Variants in ARID1B observed in about 807,000 individuals in gnomAD.
ARID1B encodes the protein AT-rich interactive domain-containing protein 1B.
ARID1B carries 30 observed loss-of-function variants against 212.3 expected under a neutral mutation model. The ratio of observed to expected loss-of-function variants is 0.14; its 90% CI spans 0.11 to 0.19. The LOEUF (loss-of-function observed/expected upper bound fraction) is 0.19, where lower values mean the gene tolerates loss of function less well. Among genes scored for constraint, ARID1B ranks in the 10% least tolerant of loss-of-function variants. The pLI is 1.00. For missense variants in ARID1B, 2,891 were observed against 3,204.0 expected (o/e 0.90, Z 2.36); for synonymous variants, 1,402 against 1,301.7 (o/e 1.08, Z -1.66).
intron 6 of ARID1B, among the ~76,000 whole-genome samples, chr6:157,128,532 T>A (rs1275452465): frequency 6.6e-6 from 1 of 152,142 alleles, no homozygotes. Flanking sequence ...AGAAAACAAA[T>A]GCAAGTCAGG....
intron 2 of ARID1B, among the ~76,000 whole-genome samples, chr6:156,891,742 C>T (rs978145057): frequency 2.4e-4 from 36 of 152,154 alleles, no homozygotes; most frequent in African/African-American, 8.7e-4. Context: ...TTTTTCCCCC[C>T]CTCAAACCAG....
chr6:156,948,715 AAAAT>A (rs1236494979), intron 4 of ARID1B, among the ~76,000 whole-genome samples: 1 of 152,268 alleles, frequency 6.6e-6, no homozygotes, highest in African/African-American at 2.4e-5. Flanking sequence ...GATGTAAAGA[AAAAT>A]AAATAAAAAA....
At chr6:157,127,854 CA>C (rs1480560465) in intron 6 of ARID1B, among the ~76,000 whole-genome samples, 27 of 145,796 alleles carry the variant, frequency 1.9e-4, no homozygotes, top group African/African-American at 6.7e-4. Context: ...CCCAGCTATT[CA>C]GGAGGCTGAG....
chr6:156,975,953 G>A (rs1777213580), intron 4 of ARID1B, among the ~76,000 whole-genome samples: 1 of 144,646 alleles, frequency 6.9e-6, no homozygotes, highest in Admixed American at 6.8e-5. Flanking sequence ...GGAGTTGGGA[G>A]CAGTTTTTTT....
chr6:156,779,738 CCT>C (rs1207247177), intron 1 of ARID1B: 305 of 159,090 alleles, frequency 1.9e-3, no homozygotes, highest in African/African-American at 6.9e-3. Flanking sequence ...GCGTCCCCCC[CCT>C]CCCCCAGGCC....
chr6:156,913,017 CT>C lies in ARID1B; in HGVS notation c.2136+11495del, dbSNP rs1325408984. 1.1e-4 allele frequency among the ~76,000 whole-genome samples: 14 copies of C among 130,102 alleles called. No individual in the cohort carries two copies. In the East Asian group the frequency reaches 2.4e-3, roughly 23 times the overall value. 85.4% of individuals were successfully genotyped at this position (130,102 alleles called of 152,430 possible). Reference sequence around the variant, plus strand: ...TTCTATTGAAATGGCTCTTTTCATACTTTCTTTTTTTTTTTTTTCACTTGCT... The same window carrying C: ...TTCTATTGAAATGGCTCTTTTCATACTTCTTTTTTTTTTTTTTCACTTGCT... On this transcript the variant is annotated intron_variant, in intron 3 of 19. Transcript: ENST00000636930.
At position 157,189,643 on chromosome 6, in the gene ARID1B, T is replaced by A. The variant is rs1338117749; in HGVS notation, c.3921T>A (p.Ala1307=). Residue 1307 remains alanine, a splice_region_variant and synonymous_variant, in exon 14 of 20, where the codon GCT becomes GCA. Coordinates refer to ENST00000636930, the MANE Select transcript of ARID1B (RefSeq NM_001374828.1). ...KQPKLQPPSP[A]NSGSLQGPQT... is the part of the protein sequence containing the mutation. ...TTCTCTTGGTGCTGCTACTATCAGC[T>A]AACTCGGGATCCTTGCAAGGCCCAC... 6.2e-7 allele frequency: 1 copy of A among 1,603,200 alleles called. No individual in the cohort carries two copies. The highest frequency in any genetic ancestry group is 1.3e-5 in the African/African-American group (1 of 74,274).
intron 4 of ARID1B, among the ~76,000 whole-genome samples, chr6:156,958,712 A>G (rs1794141918): frequency 6.6e-6 from 1 of 152,190 alleles, no homozygotes; most frequent in Non-Finnish European, 1.5e-5. Context: ...TTTGTGAAAT[A>G]ATCGTCTTCC....
intron 4 of ARID1B, among the ~76,000 whole-genome samples, chr6:156,993,610 G>A (rs531192947): frequency 7.2e-5 from 11 of 152,044 alleles, no homozygotes; most frequent in Admixed American, 3.3e-4. Flanking sequence ...TTTTCAGACT[G>A]GCCATTGAAG....
chr6:157,068,179 T>G (rs1273821055), intron 4 of ARID1B, among the ~76,000 whole-genome samples: 4 of 152,252 alleles, frequency 2.6e-5, no homozygotes, highest in Non-Finnish European at 5.9e-5. Flanking sequence ...ATCCGTTGCC[T>G]TATCAATTCG....
Position 157,013,198 on chromosome 6 carries a change from G to C in ARID1B, c.2248-71464G>C, listed in dbSNP as rs1779715563. Among the ~76,000 whole-genome samples, 4 of 152,354 alleles carry C rather than the reference G, an allele frequency of 2.6e-5. No individual in the cohort carries two copies. The South Asian group carries it at 8.3e-4, about 32-fold the overall frequency. Reference sequence around the variant, plus strand: ...CCTGCCGGCATGAAGTTTTGAACTTGCCATTTTGCCGCTCTAGTGCTGCCT... The same window carrying C: ...CCTGCCGGCATGAAGTTTTGAACTTCCCATTTTGCCGCTCTAGTGCTGCCT... On this transcript the variant is annotated intron_variant, in intron 4 of 19. Transcript: ENST00000636930.
At chr6:157,198,679 T>G (rs921244830) in intron 16 of ARID1B, 132 bp from the exon 17 acceptor site, 5 of 671,726 alleles carry the variant, frequency 7.4e-6, no homozygotes, top group Middle Eastern at 5.6e-4. Flanking sequence ...AGAGGGCCTT[T>G]GTCGGAGGGG....
intron 16 of ARID1B, among the ~76,000 whole-genome samples, chr6:157,196,949 C>T (rs1218362348): frequency 6.6e-6 from 1 of 152,192 alleles, no homozygotes; most frequent in East Asian, 1.9e-4. Flanking sequence ...ATGGCAAGTT[C>T]AGCTGCAGGA....
intron 5 of ARID1B, among the ~76,000 whole-genome samples, chr6:157,103,936 A>G (rs1470410199): frequency 2.0e-5 from 3 of 150,340 alleles, no homozygotes; most frequent in African/African-American, 7.4e-5. Context: ...CCCAGGTTCA[A>G]GTGATTCTCC....
At chr6:156,965,956 C>A (rs1002278027) in intron 4 of ARID1B, among the ~76,000 whole-genome samples, 1 of 152,126 alleles carries the variant, frequency 6.6e-6, no homozygotes, top group South Asian at 2.1e-4. Flanking sequence ...TATTTACATA[C>A]CTGCTTTGCT....
At chr6:157,043,704 GC>G (rs1383865459) in intron 4 of ARID1B, among the ~76,000 whole-genome samples, 3 of 152,106 alleles carry the variant, frequency 2.0e-5, no homozygotes, top group Non-Finnish European at 2.9e-5. Context: ...GGATTTCCTT[GC>G]CGATTCTCCT....
intron 4 of ARID1B, among the ~76,000 whole-genome samples, chr6:157,078,613 C>G (rs964355236): frequency 1.4e-4 from 21 of 152,192 alleles, no homozygotes; most frequent in Non-Finnish European, 2.4e-4. Context: ...TTCATACTTG[C>G]ATTGTTTACC....
chr6:157,132,569 C>A (rs768967235), intron 6 of ARID1B, among the ~76,000 whole-genome samples: 1 of 152,156 alleles, frequency 6.6e-6, no homozygotes, highest in Non-Finnish European at 1.5e-5. Context: ...AGCTGGTACC[C>A]TGGGTCTGAC....
At chr6:157,162,267 T>C (rs1290620612) in intron 8 of ARID1B, among the ~76,000 whole-genome samples, 1 of 152,262 alleles carries the variant, frequency 6.6e-6, no homozygotes, top group Admixed American at 6.5e-5. Flanking sequence ...ATGTGGGTAC[T>C]GCATGAAATT....
Sources: gnomAD v4.1 joint callset for allele counts (sites outside exome capture counted in the v4.1 genomes callset) on GRCh38, gnomAD v4.1.1 for gene constraint, MANE v1.5 for transcripts, NCBI Gene and HGNC (gene_info 2026-07-23, HGNC 2026-07-21) for gene names.